Variants in SGSM1 observed in about 807,000 individuals in gnomAD.
SGSM1 encodes the protein small G protein signaling modulator 1, also known as RUN and TBC1 domain containing 2.
A neutral mutation model predicts 133.8 loss-of-function variants in SGSM1; 73 were observed. That is an observed-to-expected ratio of 0.55 (90% CI 0.45 to 0.66). The LOEUF is 0.66. Among genes scored for constraint, SGSM1 ranks in the 30% least tolerant of loss-of-function variants. The pLI is 0.00. For synonymous variants in SGSM1, 563 were observed against 573.0 expected, an observed-to-expected ratio of 0.98 and a Z score of 0.25; for missense variants, 1,213 against 1,448.1, an observed-to-expected ratio of 0.84 and a Z score of 2.64.
chr22:24,851,579 C>T (rs184069026), intron 5 of SGSM1, among the ~76,000 whole-genome samples: 38 of 152,244 alleles, frequency 2.5e-4, no homozygotes, highest in African/African-American at 8.9e-4. Context: ...TTCTTTGCCC[C>T]TTTGCAAGGA....
intron 16 of SGSM1, among the ~76,000 whole-genome samples, chr22:24,893,176 T>C (rs147868007): frequency 3.3e-5 from 5 of 152,144 alleles, no homozygotes; most frequent in Admixed American, 6.5e-5. Context: ...ACTCAATGAA[T>C]AGTTGAAATT....
intron 11 of SGSM1, 48 bp from the exon 12 acceptor site, chr22:24,868,675 G>A: frequency 6.2e-7 from 1 of 1,609,318 alleles, no homozygotes; most frequent in Middle Eastern, 1.7e-4. Flanking sequence ...AGCAAGTTGT[G>A]GGGACAGATG....
chr22:24,875,024 G>A (rs1265374763), intron 12 of SGSM1, among the ~76,000 whole-genome samples: 1 of 152,228 alleles, frequency 6.6e-6, no homozygotes, highest in Non-Finnish European at 1.5e-5. Context: ...TTCCTCTTCT[G>A]TCTGTGGGTA....
Position 24,905,109 on chromosome 22 carries a change from A to T in SGSM1, c.2740A>T (p.Ile914Phe). The T allele has an allele frequency of 6.2e-7, 1 of 1,613,968 alleles. No homozygotes were observed. The highest frequency in any genetic ancestry group is 8.5e-7 in the Non-Finnish European group (1 of 1,179,868). ...EKLRNIMCSYIWQHIEIGYVQ... is the reference protein window; with the variant it reads ...EKLRNIMCSYFWQHIEIGYVQ... Reference sequence around the variant, plus strand: ...GGCCCCTTGTGTCTCTTCTAGCTACATCTGGCAGCACATTGAGATCGGCTA... The same window carrying T: ...GGCCCCTTGTGTCTCTTCTAGCTACTTCTGGCAGCACATTGAGATCGGCTA... The change falls in exon 21 of 25, where the codon ATC (isoleucine) becomes TTC (phenylalanine). Residue 914 changes from isoleucine (I) to phenylalanine (F), a missense_variant. By Grantham distance (21) the Ile-to-Phe change is conservative. Coordinates refer to ENST00000400358, the MANE Select transcript of SGSM1 (RefSeq NM_001098497.3).
Position 24,869,374 on chromosome 22 carries a change from G to A in SGSM1, c.1291+519G>A, listed in dbSNP as rs141101271. ...GTCTCTACAAAAAATACAAAAATTA[G>A]CCAGGTGTGGTGGCATGCATCTGTG... On this transcript the variant is annotated intron_variant, in intron 12 of 24. Transcript: ENST00000400358. Among the ~76,000 whole-genome samples, 465 of 152,062 alleles carry A rather than the reference G, an allele frequency of 3.1e-3. 4 individuals are homozygous for A. Among genetic ancestry groups the A allele is most frequent in the African/African-American group, 0.011 (453 of 41,486 alleles).
chr22:24,833,519 G>C (rs1452402736), intron 2 of SGSM1, among the ~76,000 whole-genome samples: 4 of 151,990 alleles, frequency 2.6e-5, no homozygotes, highest in Admixed American at 2.0e-4. Flanking sequence ...TCAGCTGGGC[G>C]TGGTGGCCAG....
chr22:24,855,694 T>C lies in SGSM1; in HGVS notation c.801+14T>C, dbSNP rs780082747. 1 of 1,613,958 alleles carries C rather than the reference T, an allele frequency of 6.2e-7. No homozygotes were observed. Among genetic ancestry groups the C allele is most frequent in the Admixed American group, 1.7e-5 (1 of 60,024 alleles). On this transcript the variant is annotated intron_variant, in intron 8 of 24. Transcript: ENST00000400358. ...CTTGTTCAGCCGGTGAGAGGTTATC[T>C]TGGGCCTAGATCTTGCACTGAGGGT...
chr22:24,818,868 C>T (rs566930274), intron 2 of SGSM1, among the ~76,000 whole-genome samples: 30 of 151,806 alleles, frequency 2.0e-4, no homozygotes, highest in South Asian at 6.3e-4. Context: ...AATAATTGGC[C>T]GGGAGCAGTG....
chr22:24,904,365 G>T (rs1031584606), intron 20 of SGSM1, among the ~76,000 whole-genome samples: 6 of 152,086 alleles, frequency 3.9e-5, no homozygotes, highest in African/African-American at 1.4e-4. Flanking sequence ...CGGGTCATGA[G>T]GTCAGGAGAT....
chr22:24,905,285 T>C, intron 21 of SGSM1, 98 bp downstream of exon 21: 1 of 1,201,356 alleles, frequency 8.3e-7, no homozygotes, highest in East Asian at 2.3e-5. Context: ...AGAATGTGGC[T>C]CCAGCCAGGT....
intron 2 of SGSM1, among the ~76,000 whole-genome samples, chr22:24,808,309 G>A (rs1927535241): frequency 6.6e-6 from 1 of 151,958 alleles, no homozygotes; most frequent in African/African-American, 2.4e-5. Context: ...TAGAGACGGG[G>A]TTTCACCACG....
At chr22:24,851,248 A>T (rs921392935) in intron 5 of SGSM1, among the ~76,000 whole-genome samples, 2 of 152,104 alleles carry the variant, frequency 1.3e-5, no homozygotes, top group Non-Finnish European at 2.9e-5. Context: ...TCATCCAGCA[A>T]ATATTTAAAT....
intron 5 of SGSM1, 72 bp downstream of exon 5, chr22:24,850,504 CT>C: frequency 6.4e-7 from 1 of 1,573,002 alleles, no homozygotes; most frequent in Admixed American, 1.9e-5. Flanking sequence ...ATTGCACCCC[CT>C]GGCACAAAGC....
At chr22:24,905,060 A>T (rs779958704) in intron 20 of SGSM1, 45 bp from the exon 21 acceptor site, 2 of 1,545,706 alleles carry the variant, frequency 1.3e-6, no homozygotes, top group East Asian at 4.5e-5. Context: ...TGGGTTGGAG[A>T]GGCAGGCCAC....
At chr22:24,909,944 A>C (rs1388143340) in intron 21 of SGSM1, among the ~76,000 whole-genome samples, 2 of 152,238 alleles carry the variant, frequency 1.3e-5, no homozygotes, top group Admixed American at 1.3e-4. Flanking sequence ...GAAACAGTCC[A>C]AATGTCCATC....
At position 24,901,820 on chromosome 22, in the gene SGSM1, C is replaced by T. The variant is rs199709310; in HGVS notation, c.2611-13C>T. The T allele has an allele frequency of 2.9e-5, 47 of 1,611,912 alleles. No individual in the cohort carries two copies. Among genetic ancestry groups the T allele is most frequent in the Non-Finnish European group, 3.7e-5 (44 of 1,179,164 alleles). On this transcript the variant is annotated splice_polypyrimidine_tract_variant and intron_variant, in intron 19 of 24. Coordinates refer to ENST00000400358, the MANE Select transcript of SGSM1 (RefSeq NM_001098497.3). Reference sequence around the variant, plus strand: ...CATTTCTTCCCCCTACCCCCTGCCCCGATGGCCTATAGCCAGAGCTGCTGG... The same window carrying T: ...CATTTCTTCCCCCTACCCCCTGCCCTGATGGCCTATAGCCAGAGCTGCTGG...
At chr22:24,866,909 C>T (rs1020572877) in intron 9 of SGSM1, among the ~76,000 whole-genome samples, 184 bp from the exon 10 acceptor site, 7 of 152,002 alleles carry the variant, frequency 4.6e-5, no homozygotes, top group Admixed American at 3.9e-4. Context: ...ATGGTAACCT[C>T]GGAAAATTGG....
chr22:24,837,566 G>A lies in SGSM1; in HGVS notation c.64-7331G>A, dbSNP rs576385352. Among the ~76,000 whole-genome samples the A allele has an allele frequency of 6.2e-3, 802 of 129,204 alleles. 4 individuals carry two copies. Among genetic ancestry groups the A allele is most frequent in the Non-Finnish European group, 0.01 (646 of 63,212 alleles). The allele number at this position is 129,204 out of a possible 152,430, so 84.8% of individuals were successfully genotyped here. A position where few individuals can be genotyped will look rare whatever the true frequency, so the allele number is the denominator to read the frequency against. On this transcript the variant is annotated intron_variant, in intron 2 of 24. Coordinates refer to ENST00000400358, the MANE Select transcript of SGSM1 (RefSeq NM_001098497.3). ...AGCAGAGTCTTCTCTAAACTCCCCC[G>A]GGGAAAGGGAGACCCCCCCCCCCCC...
chr22:24,860,924 T>A (rs9612794), intron 9 of SGSM1, among the ~76,000 whole-genome samples: 2,150 of 82,694 alleles, frequency 0.026, 52 homozygotes, highest in Non-Finnish European at 0.034. Context: ...AAAAAAAAAA[T>A]ATATATATAT....
Sources: allele counts gnomAD v4.1 joint callset (sites outside exome capture counted in the v4.1 genomes callset), GRCh38; gene constraint gnomAD v4.1.1; transcripts MANE v1.5; gene names NCBI Gene and HGNC (gene_info 2026-07-23, HGNC 2026-07-21).